The following LAMP2 variants were observed in gnomAD, a reference collection of about 807,000 sequenced individuals.
LAMP2 encodes lysosome associated membrane protein 2.
LAMP2 carries 4 observed loss-of-function variants against 25.6 expected under a neutral mutation model. That is an observed-to-expected ratio of 0.16 (90% confidence interval 0.08 to 0.36). The LOEUF is 0.36. Among genes scored for constraint, LAMP2 ranks in the 10% least tolerant of loss-of-function variants. The probability of loss-of-function intolerance (pLI) is 1.00; values close to 1 mark genes in which losing one functional copy is unlikely to be tolerated. For synonymous variants in LAMP2, 108 were observed against 112.7 expected (o/e 0.96, Z 0.27); for missense variants, 272 against 301.4 (o/e 0.90, Z 0.72).
intron 1 of LAMP2, among the ~76,000 whole-genome samples, chrX:120,461,904 A>C (rs1307635489): frequency 8.9e-6 from 1 of 111,980 alleles, no homozygotes; most frequent in Admixed American, 9.5e-5. Flanking sequence ...GTTTCACTTC[A>C]ATAAATTTTG....
chrX:120,456,512 G>A (rs1921099048), intron 2 of LAMP2, 139 bp downstream of exon 2: 1 of 413,499 alleles, frequency 2.4e-6, no homozygotes, highest in Non-Finnish European at 4.3e-6. Context: ...ACTTCTGAGT[G>A]TGTATGCTTA....
At chrX:120,441,143 C>G (rs1430165492) in intron 8 of LAMP2, among the ~76,000 whole-genome samples, 2 of 107,436 alleles carry the variant, frequency 1.9e-5, no homozygotes, top group Non-Finnish European at 3.8e-5. Context: ...CCAAATATGT[C>G]TTTCATATTC....
At chrX:120,442,228 CAAAAAA>C (rs1157951288) in intron 7 of LAMP2, among the ~76,000 whole-genome samples, 1 of 29,676 alleles carries the variant, frequency 3.4e-5, no homozygotes, top group Non-Finnish European at 6.3e-5. Context: ...GACCCTGTCT[CAAAAAA>C]AAAAAAAAAA....
At chrX:120,437,700 G>C in intron 8 of LAMP2, 1 of 747,689 alleles carries the variant, frequency 1.3e-6, no homozygotes, top group Non-Finnish European at 1.6e-6. Flanking sequence ...TAATAACAAC[G>C]AAAGTTTTGA....
At chrX:120,469,015 C>T in intron 1 of LAMP2, 91 bp downstream of exon 1, 1 of 1,013,081 alleles carries the variant, frequency 9.9e-7, no homozygotes, top group East Asian at 3.0e-5. Flanking sequence ...TCTCAACCCC[C>T]TCCCCCTCGG....
chrX:120,451,729 G>A (rs1037262112), intron 3 of LAMP2, among the ~76,000 whole-genome samples: 1 of 111,468 alleles, frequency 9.0e-6, no homozygotes, highest in African/African-American at 3.3e-5. Flanking sequence ...GCCTCCCAAA[G>A]TGCTGGGATT....
chrX:120,437,214 T>C (rs2058548703), intron 8 of LAMP2: 2 of 746,239 alleles, frequency 2.7e-6, no homozygotes, highest in East Asian at 3.0e-4. Flanking sequence ...CAAATTTAAG[T>C]GACGGAAAAT....
chrX:120,452,204 C>T (rs1383029705), intron 3 of LAMP2, among the ~76,000 whole-genome samples: 2 of 111,614 alleles, frequency 1.8e-5, no homozygotes, highest in African/African-American at 6.5e-5. Flanking sequence ...AGTGCCTGCC[C>T]CATCAAGCTA....
In LAMP2 at chrX:120,456,737, A is replaced by G; in HGVS notation, c.97T>C (p.Leu33=). Residue 33 remains leucine (L), a synonymous_variant, in exon 2 of 9, where the codon TTG becomes CTG. Coordinates refer to ENST00000200639, the MANE Select transcript of LAMP2 (RefSeq NM_002294.3). ...CAAGTGGCATTTTCTGAATCTGTCA[A>G]ATTAAGTTCCAATGCATAAGACCGC... ...AVRSYALELN[L]TDSENATCLY... is the part of the protein sequence containing the mutation. The G allele has an allele frequency of 6.8e-6, 8 of 1,183,379 alleles. No homozygotes were observed. Among genetic ancestry groups the G allele is most frequent in the Non-Finnish European group, 8.0e-6 (7 of 873,731 alleles).
rs1569364922 is a variant in LAMP2 at position 120,429,008 on chromosome X, G to T, written c.*2315C>A. 3.1e-6 allele frequency: 2 copies of T among 639,345 alleles called. No individual in the cohort carries two copies. The highest frequency in any genetic ancestry group is 9.3e-4 in the Middle Eastern group (1 of 1,071). The allele number at this position is 639,345 out of a possible 1,213,427, so 52.7% of individuals were successfully genotyped here. A position where few individuals can be genotyped will look rare whatever the true frequency, so the allele number is the denominator to read the frequency against. ...ACACCTATAATTAAAGTATAAATAAGAATTCTGTATAAGTAATAAAATTTA... is the reference window on the plus strand; with the variant it reads ...ACACCTATAATTAAAGTATAAATAATAATTCTGTATAAGTAATAAAATTTA... On this transcript the variant is annotated 3_prime_UTR_variant, in exon 9 of 9. Coordinates refer to ENST00000200639, the MANE Select transcript of LAMP2 (RefSeq NM_002294.3).
chrX:120,438,826 G>GT (rs2058558655), intron 8 of LAMP2: 2 of 835,343 alleles, frequency 2.4e-6, no homozygotes, highest in Non-Finnish European at 2.9e-6. Context: ...TTCAAAAATT[G>GT]TTTTTTCTAA....
At chrX:120,444,295 C>A (rs1403025100) in intron 6 of LAMP2, among the ~76,000 whole-genome samples, 1 of 111,472 alleles carries the variant, frequency 9.0e-6, no homozygotes, top group Non-Finnish European at 1.9e-5. Flanking sequence ...GACTTCACAC[C>A]TTCATCACAT....
At chrX:120,453,580 T>TGG (rs1348812332) in intron 3 of LAMP2, among the ~76,000 whole-genome samples, 1 of 111,233 alleles carries the variant, frequency 9.0e-6, no homozygotes, top group Non-Finnish European at 1.9e-5. Context: ...GAGGCTGAGG[T>TGG]GGGTGGATCG....
intron 8 of LAMP2, among the ~76,000 whole-genome samples, chrX:120,441,375 T>C (rs1336434523): frequency 8.9e-6 from 1 of 112,147 alleles, no homozygotes; most frequent in African/African-American, 3.2e-5. Context: ...ACTGCTTTCA[T>C]TCAGGTATGA....
chrX:120,453,477 C>T (rs567080421), intron 3 of LAMP2, among the ~76,000 whole-genome samples: 14 of 111,910 alleles, frequency 1.3e-4, no homozygotes, highest in Middle Eastern at 9.1e-3. Context: ...TCAATCTCAA[C>T]GGGCAGGGGG....
chrX:120,426,984 T>C lies in LAMP2; in HGVS notation c.*4339A>G, dbSNP rs1459016292. On this transcript the variant is annotated 3_prime_UTR_variant, in exon 9 of 9. Coordinates refer to ENST00000200639, the MANE Select transcript of LAMP2 (RefSeq NM_002294.3). ...ATATAGAGAAGGCAGTAAAGAAAGA[T>C]CTTGATAAATTTTCTTTAACAAAAA... 8.9e-6 allele frequency among the ~76,000 whole-genome samples: 1 copy of C among 111,766 alleles called. No homozygotes were observed. The highest frequency in any genetic ancestry group is 2.8e-4 in the East Asian group (1 of 3,550).
chrX:120,447,641 C>T (rs1299106118), intron 5 of LAMP2, among the ~76,000 whole-genome samples, 200 bp downstream of exon 5: 1 of 110,642 alleles, frequency 9.0e-6, no homozygotes, highest in Non-Finnish European at 1.9e-5. Context: ...ACCCGGGAGG[C>T]GGAGTTTGCA....
rs776018861 is a variant in LAMP2 at position 120,426,430 on chromosome X, C to A, written c.*4893G>T. Reference sequence around the variant, plus strand: ...TAGGCAAAGCTAATTGAACACTCAGCTCATAGATTTTGAGCTTCCTTTATC... The same window carrying A: ...TAGGCAAAGCTAATTGAACACTCAGATCATAGATTTTGAGCTTCCTTTATC... On this transcript the variant is annotated 3_prime_UTR_variant, in exon 9 of 9. Coordinates refer to ENST00000200639, the MANE Select transcript of LAMP2 (RefSeq NM_002294.3). Among the ~76,000 whole-genome samples, 24 of 109,478 alleles carry A rather than the reference C, an allele frequency of 2.2e-4. No individual in the cohort carries two copies. The highest frequency in any genetic ancestry group is 4.2e-4 in the Non-Finnish European group (22 of 52,580).
intron 8 of LAMP2, chrX:120,436,552 A>C: frequency 6.8e-6 from 5 of 734,676 alleles, no homozygotes; most frequent in Non-Finnish European, 8.1e-6. Context: ...GCAAACAGAC[A>C]GGCAAATATC....
Sources: gnomAD v4.1 joint callset for allele counts (sites outside exome capture counted in the v4.1 genomes callset) on GRCh38, gnomAD v4.1.1 for gene constraint, MANE v1.5 for transcripts, NCBI Gene and HGNC (gene_info 2026-07-23, HGNC 2026-07-21) for gene names.